Variants in CLUAP1 observed in about 807,000 individuals in gnomAD.
The protein encoded by CLUAP1 is intraflagellar transport 38.
In CLUAP1, 50 loss-of-function variants were observed where a neutral mutation model predicts 55.0. The observed-to-expected ratio is 0.91, with a 90% CI of 0.72 to 1.15. CLUAP1 has a LOEUF of 1.15. Among genes scored for constraint, CLUAP1 ranks in the 50% most tolerant of loss-of-function variants. CLUAP1 has a pLI of 0.00. For synonymous variants in CLUAP1, 195 were observed against 175.4 expected, an observed-to-expected ratio of 1.11 and a Z score of -0.88; for missense variants, 530 against 507.6, an observed-to-expected ratio of 1.04 and a Z score of -0.42.
chr16:3,531,349 T>C (rs2038113891), intron 10 of CLUAP1, among the ~76,000 whole-genome samples: 1 of 151,568 alleles, frequency 6.6e-6, no homozygotes, highest in Non-Finnish European at 1.5e-5. Flanking sequence ...TGAAACCCCG[T>C]CTCTACTAAA....
upstream of CLUAP1, among the ~76,000 whole-genome samples, chr16:3,500,019 T>C (rs1028782444): frequency 6.6e-6 from 1 of 152,280 alleles, no homozygotes; most frequent in Non-Finnish European, 1.5e-5. Flanking sequence ...AATCGCTTTG[T>C]GCACTACGCT....
intron 2 of CLUAP1, among the ~76,000 whole-genome samples, chr16:3,505,134 G>T (rs923119138): frequency 2.6e-5 from 4 of 152,186 alleles, no homozygotes; most frequent in Admixed American, 6.5e-5. Context: ...AGCGACTCAG[G>T]AGGCTGAGGC....
chr16:3,508,318 T>C lies in CLUAP1; in HGVS notation c.249T>C (p.Thr83=), dbSNP rs749214234. ...CCAAGGCACATATAAAACTCAACAC[T>C]AAGAAGCTTTATCAAGCAGATGGGT... ...MATKAHIKLN[T]KKLYQADGYA... The change falls in exon 4 of 12, where the codon ACT becomes ACC. Residue 83 remains threonine (T), a synonymous_variant. Coordinates refer to ENST00000576634, the MANE Select transcript of CLUAP1 (RefSeq NM_015041.3). The C allele has an allele frequency of 1.3e-5, 21 of 1,603,574 alleles. 1 individual carries two copies. Among genetic ancestry groups the C allele is most frequent in the Middle Eastern group, 3.3e-4 (2 of 6,074 alleles).
At chr16:3,529,059 G>A (rs769530398) in intron 9 of CLUAP1, among the ~76,000 whole-genome samples, 203 of 151,728 alleles carry the variant, frequency 1.3e-3, no homozygotes, top group Non-Finnish European at 1.7e-3. Context: ...CAATATCTGC[G>A]AAGAACTGGT....
In CLUAP1 at chr16:3,536,137, A is replaced by T; in HGVS notation, c.1108A>T (p.Ser370Cys). Reference protein sequence around the residue: ...DSDDNEDSEESEIDMEDDDDE... With the variant: ...DSDDNEDSEECEIDMEDDDDE... ...TTTCCTATAGGAGGACTCGGAGGAG[A>T]GTGAAATTGACATGGAAGATGATGA... The change falls in exon 12 of 12, where the codon AGT becomes TGT. Residue 370 changes from serine to cysteine, a missense_variant. Transcript: ENST00000576634. 1 of 1,614,004 alleles carries T rather than the reference A, an allele frequency of 6.2e-7. No individual in the cohort carries two copies. Among genetic ancestry groups the T allele is most frequent in the Non-Finnish European group, 8.5e-7 (1 of 1,179,994 alleles).
chr16:3,506,543 C>T (rs1432064766), intron 3 of CLUAP1, 128 bp downstream of exon 3: 1 of 743,606 alleles, frequency 1.3e-6, no homozygotes, highest in South Asian at 1.6e-5. Context: ...GAGTCTCATT[C>T]TCTCGCCCAG....
In CLUAP1 at chr16:3,514,100, G is replaced by C. The variant is rs897224761; in HGVS notation, c.496-1408G>C. 7.2e-5 allele frequency among the ~76,000 whole-genome samples: 11 copies of C among 152,346 alleles called. No individual in the cohort carries two copies. The East Asian group carries it at 1.7e-3, about 24-fold the overall frequency. On this transcript the variant is annotated intron_variant, in intron 5 of 11. Coordinates refer to ENST00000576634, the MANE Select transcript of CLUAP1 (RefSeq NM_015041.3). ...GTAAGGTACCTCCAGGCTTTCCCCT[G>C]TTCTGTTTGTAGTGCAGTGGTGTAC...
intron 1 of CLUAP1, among the ~76,000 whole-genome samples, chr16:3,501,472 T>G (rs535393634): frequency 6.6e-6 from 1 of 152,344 alleles, no homozygotes; most frequent in South Asian, 2.1e-4. Flanking sequence ...TGAGTTGGGT[T>G]AGCTTAGCGC....
At chr16:3,510,126 C>T (rs1440495693) in intron 4 of CLUAP1, among the ~76,000 whole-genome samples, 1 of 152,056 alleles carries the variant, frequency 6.6e-6, no homozygotes, top group Non-Finnish European at 1.5e-5. Context: ...TCCTGAGTAG[C>T]TGAGATTACA....
At chr16:3,500,799 A>G (rs1216476697), upstream of CLUAP1, 26 of 545,614 alleles carry the variant, frequency 4.8e-5, no homozygotes, top group Middle Eastern at 9.8e-4. Context: ...AAGCGTGTAA[A>G]CAGACGCCCA....
chr16:3,523,125 A>C, intron 7 of CLUAP1, 33 bp from the exon 8 acceptor site: 1 of 1,580,048 alleles, frequency 6.3e-7, no homozygotes, highest in Non-Finnish European at 8.6e-7. Flanking sequence ...CATATAATTC[A>C]CCTTTCCTTT....
At chr16:3,533,511 G>A (rs1202082045) in intron 11 of CLUAP1, 1 of 269,226 alleles carries the variant, frequency 3.7e-6, no homozygotes, top group East Asian at 7.3e-5. Context: ...GAGGTGCCAG[G>A]CATGAGGCTG....
intron 10 of CLUAP1, among the ~76,000 whole-genome samples, chr16:3,531,544 CAA>C (rs899441400): frequency 6.6e-6 from 1 of 151,128 alleles, no homozygotes; most frequent in Non-Finnish European, 1.5e-5. Flanking sequence ...AGAGTTAAAA[CAA>C]AAAAAGACTC....
At chr16:3,522,538 G>A (rs1360672415) in intron 7 of CLUAP1, among the ~76,000 whole-genome samples, 1 of 152,210 alleles carries the variant, frequency 6.6e-6, no homozygotes, top group South Asian at 2.1e-4. Flanking sequence ...TCTGGTATGT[G>A]ATTTTTTTGC....
chr16:3,526,032 T>TTGAAAGTATACAGG (rs1380432098), intron 8 of CLUAP1, among the ~76,000 whole-genome samples: 1 of 152,138 alleles, frequency 6.6e-6, no homozygotes, highest in Non-Finnish European at 1.5e-5. Context: ...TATACTTTCT[T>TTGAAAGTATACAGG]CCTTTGAAAG....
chr16:3,521,140 G>A (rs2037824344), intron 7 of CLUAP1, among the ~76,000 whole-genome samples: 1 of 151,634 alleles, frequency 6.6e-6, no homozygotes, highest in Non-Finnish European at 1.5e-5. Flanking sequence ...TCCTGAAACT[G>A]GCTCTTTACC....
At chr16:3,529,913 T>C (rs1596404385) in intron 9 of CLUAP1, among the ~76,000 whole-genome samples, 1 of 118,342 alleles carries the variant, frequency 8.5e-6, no homozygotes, top group Admixed American at 1.3e-4. Flanking sequence ...GTTATATAGT[T>C]ATATATTATT....
chr16:3,500,838 A>G (rs1208836544), upstream of CLUAP1: 3 of 574,890 alleles, frequency 5.2e-6, no homozygotes, highest in South Asian at 2.1e-5. Flanking sequence ...GCCCTCATAG[A>G]CGCCGGTATC....
chr16:3,536,401 C>A lies in CLUAP1; in HGVS notation c.*130C>A. On this transcript the variant is annotated 3_prime_UTR_variant, in exon 12 of 12. Transcript: ENST00000576634. ...TGGACTCATGATCACTGAAGCAATA[C>A]TTATTTCTGCTTTAGCCTCCTATGT... is the stretch of plus-strand genomic sequence containing the variant. 1.1e-6 allele frequency: 1 copy of A among 884,740 alleles called. No individual in the cohort carries two copies. Among genetic ancestry groups the A allele is most frequent in the Non-Finnish European group, 1.7e-6 (1 of 585,236 alleles). The allele number at this position is 884,740 out of a possible 1,614,324, so 54.8% of individuals were successfully genotyped here.
Sources: gnomAD v4.1 joint callset for allele counts (sites outside exome capture counted in the v4.1 genomes callset) on GRCh38, gnomAD v4.1.1 for gene constraint, MANE v1.5 for transcripts, NCBI Gene and HGNC (gene_info 2026-07-23, HGNC 2026-07-21) for gene names.